Variants in SCAPER observed in about 807,000 individuals in gnomAD.
SCAPER encodes the protein S phase cyclin A-associated protein in the endoplasmic reticulum.
A neutral mutation model predicts 182.2 loss-of-function variants in SCAPER; 98 were observed. The ratio of observed to expected loss-of-function variants is 0.54; its 90% CI spans 0.46 to 0.64. SCAPER has a LOEUF of 0.64. Among genes scored for constraint, SCAPER ranks in the 30% least tolerant of loss-of-function variants. The pLI, the probability that SCAPER is intolerant of heterozygous loss-of-function variation, is 0.00. For synonymous variants in SCAPER, 605 were observed against 564.6 expected (o/e 1.07, Z -1.01); for missense variants, 1,432 against 1,690.0 (o/e 0.85, Z 2.68).
chr15:76,595,126 G>A (rs1490152663), intron 22 of SCAPER, among the ~76,000 whole-genome samples: 1 of 121,302 alleles, frequency 8.2e-6, no homozygotes, highest in Non-Finnish European at 2.0e-5. Flanking sequence ...TAAAGGGATG[G>A]AGGAAGATCC....
intron 4 of SCAPER, among the ~76,000 whole-genome samples, chr15:76,849,933 C>T (rs867315843): frequency 2.6e-4 from 39 of 152,108 alleles, no homozygotes; most frequent in African/African-American, 8.2e-4. Flanking sequence ...TGAGTGCCAG[C>T]AGGGGAAATG....
chr15:76,593,442 G>A lies in SCAPER; in HGVS notation c.2712-19158C>T, dbSNP rs967613573. ...GCCTGCTGACTCTGAAGAGAGCAGC[G>A]GATCTCCTAGCACAGTGCTCGAGCT... On this transcript the variant is annotated intron_variant, in intron 22 of 31. Coordinates refer to ENST00000563290, the MANE Select transcript of SCAPER (RefSeq NM_020843.4). Among the ~76,000 whole-genome samples the A allele has an allele frequency of 5.0e-5, 6 of 121,104 alleles. 2 individuals are homozygous for A. The highest frequency in any genetic ancestry group is 2.2e-4 in the East Asian group (1 of 4,486). 79.4% of individuals were successfully genotyped at this position (121,104 alleles called of 152,430 possible). A position where few individuals can be genotyped will look rare whatever the true frequency, so the allele number is the denominator to read the frequency against.
intron 1 of SCAPER, among the ~76,000 whole-genome samples, chr15:76,899,471 T>A (rs1366984040): frequency 1.3e-5 from 2 of 152,232 alleles, no homozygotes; most frequent in Non-Finnish European, 2.9e-5. Context: ...ATGCTCAATG[T>A]TGCCCAGGCT....
intron 1 of SCAPER, among the ~76,000 whole-genome samples, chr15:76,898,829 C>T (rs1222650953): frequency 2.0e-5 from 3 of 152,160 alleles, no homozygotes; most frequent in Non-Finnish European, 4.4e-5. Context: ...ATGTTCTAAA[C>T]TTGATTGTGG....
Position 76,703,016 on chromosome 15 carries a change from C to T in SCAPER, c.2248-14G>A, listed in dbSNP as rs756443341. The T allele has an allele frequency of 5.5e-5, 83 of 1,517,198 alleles. No homozygotes were observed. Among genetic ancestry groups the T allele is most frequent in the Non-Finnish European group, 7.2e-5 (82 of 1,136,614 alleles). The allele number at this position is 1,517,198 out of a possible 1,614,324, so 94.0% of individuals were successfully genotyped here. A position where few individuals can be genotyped will look rare whatever the true frequency, so the allele number is the denominator to read the frequency against. On this transcript the variant is annotated splice_polypyrimidine_tract_variant and intron_variant, in intron 18 of 31. Coordinates refer to ENST00000563290, the MANE Select transcript of SCAPER (RefSeq NM_020843.4). ...ACTTTCATCATGCTGTAGATGAAGTCAAAGTGCAAGAATTTCAAAAATTAT... is the reference window on the plus strand; with the variant it reads ...ACTTTCATCATGCTGTAGATGAAGTTAAAGTGCAAGAATTTCAAAAATTAT...
In SCAPER at chr15:76,751,805, G is replaced by T. The variant is rs939969799; in HGVS notation, c.1866+2003C>A. Among the ~76,000 whole-genome samples the T allele has an allele frequency of 2.0e-5, 3 of 151,656 alleles. No individual in the cohort carries two copies. The East Asian group carries it at 5.8e-4, about 29-fold the overall frequency. On this transcript the variant is annotated intron_variant, in intron 15 of 31. Transcript: ENST00000563290. ...AGAAGACACAGGATCAAAGTGTCAC[G>T]ACACTAGATTTTGCAATGATTTATT...
chr15:76,722,669 T>A (rs2060324241), intron 17 of SCAPER, among the ~76,000 whole-genome samples: 1 of 152,216 alleles, frequency 6.6e-6, no homozygotes. Context: ...GGTGTATGTG[T>A]CAAGGAATTT....
chr15:76,667,625 C>CCAAAAAAAAAAA, intron 20 of SCAPER, among the ~76,000 whole-genome samples: 1 of 27,454 alleles, frequency 3.6e-5, no homozygotes, highest in Non-Finnish European at 6.5e-5. Context: ...GACTCAGTCT[C>CCAAAAAAAAAAA]AAAAAAAAAA....
intron 22 of SCAPER, among the ~76,000 whole-genome samples, chr15:76,588,948 T>C (rs892026828): frequency 3.9e-5 from 6 of 152,186 alleles, no homozygotes; most frequent in African/African-American, 1.4e-4. Flanking sequence ...CTTGATGTAG[T>C]ACTCTCCACC....
intron 22 of SCAPER, among the ~76,000 whole-genome samples, chr15:76,588,084 G>A (rs2145620643): frequency 6.6e-6 from 1 of 152,158 alleles, no homozygotes; most frequent in East Asian, 1.9e-4. Flanking sequence ...ACCATGCCTG[G>A]CTAATTTTTT....
intron 15 of SCAPER, among the ~76,000 whole-genome samples, chr15:76,739,902 C>T (rs2061457270): frequency 6.6e-6 from 1 of 152,214 alleles, no homozygotes; most frequent in Admixed American, 6.5e-5. Context: ...CACAGCTGCT[C>T]ACATCTGTAA....
rs80242493 is a variant in SCAPER at position 76,450,241 on chromosome 15, C to T, written c.3079-15931G>A. The stretch of plus-strand genomic sequence containing the variant: ...AAGTGGAAGAAAGTGAATTAAATTA[C>T]GTTCACTTAAAATATAAGGAAAGCA... On this transcript the variant is annotated intron_variant, in intron 25 of 31. Coordinates refer to ENST00000563290, the MANE Select transcript of SCAPER (RefSeq NM_020843.4). Among the ~76,000 whole-genome samples, 145 of 152,292 alleles carry T rather than the reference C, an allele frequency of 9.5e-4. 3 individuals are homozygous for T. The East Asian group carries it at 0.025, about 26-fold the overall frequency.
At chr15:76,814,125 G>A (rs1457254323) in intron 5 of SCAPER, among the ~76,000 whole-genome samples, 2 of 151,974 alleles carry the variant, frequency 1.3e-5, no homozygotes, top group African/African-American at 4.8e-5. Flanking sequence ...CCGAGATTAC[G>A]CCACCGCGCT....
At chr15:76,543,743 T>A (rs2044995796) in intron 23 of SCAPER, among the ~76,000 whole-genome samples, 1 of 152,186 alleles carries the variant, frequency 6.6e-6, no homozygotes. Context: ...CCTAATGCCA[T>A]GAATGCTGTG....
rs2075008005 is a variant in SCAPER at position 76,905,302 on chromosome 15, C to G, written c.-63G>C. On this transcript the variant is annotated 5_prime_UTR_variant, in exon 1 of 32. Transcript: ENST00000563290. Reference sequence around the variant, plus strand: ...CACGCCCCTCGCGGACACTCACCCCCGACCGCCCTGCTTAGTTCGGGGCGG... The same window carrying G: ...CACGCCCCTCGCGGACACTCACCCCGGACCGCCCTGCTTAGTTCGGGGCGG... 3.7e-6 allele frequency: 1 copy of G among 272,454 alleles called. No individual in the cohort carries two copies. The highest frequency in any genetic ancestry group is 2.8e-5 in the South Asian group (1 of 35,490). 16.9% of individuals were successfully genotyped at this position (272,454 alleles called of 1,614,324 possible).
chr15:76,400,580 T>C (rs536472649), intron 27 of SCAPER, among the ~76,000 whole-genome samples: 3 of 152,282 alleles, frequency 2.0e-5, no homozygotes, highest in African/African-American at 7.2e-5. Context: ...TCAGGAAATG[T>C]TGGGAGACTG....
At chr15:76,480,416 T>C (rs540506245) in intron 24 of SCAPER, among the ~76,000 whole-genome samples, 1 of 152,344 alleles carries the variant, frequency 6.6e-6, no homozygotes, top group African/African-American at 2.4e-5. Flanking sequence ...AGTGCCCCTC[T>C]CACAGAATGA....
At chr15:76,492,110 G>T (rs1206690988) in intron 24 of SCAPER, among the ~76,000 whole-genome samples, 3 of 152,116 alleles carry the variant, frequency 2.0e-5, no homozygotes, top group Admixed American at 2.0e-4. Flanking sequence ...ATTCTGTGAT[G>T]TATCTATAGC....
chr15:76,701,759 ACTT>A lies in SCAPER; in HGVS notation c.2504_2506del (p.Glu835del). 6.2e-7 allele frequency: 1 copy of A among 1,612,446 alleles called. No individual in the cohort carries two copies. Among genetic ancestry groups the A allele is most frequent in the Non-Finnish European group, 8.5e-7 (1 of 1,178,606 alleles). ...TAAATGAACAAAAATAAAGTTTACCACTTCTTCATCTGACAGTTCACGCCCCTG... is the reference window on the plus strand; with the variant it reads ...TAAATGAACAAAAATAAAGTTTACCACTTCATCTGACAGTTCACGCCCCTG... On this transcript the variant is annotated inframe_deletion and splice_region_variant, in exon 20 of 32. Transcript: ENST00000563290.
Sources: allele counts gnomAD v4.1 joint callset (sites outside exome capture counted in the v4.1 genomes callset), GRCh38; gene constraint gnomAD v4.1.1; transcripts MANE v1.5; gene names NCBI Gene and HGNC (gene_info 2026-07-23, HGNC 2026-07-21).